The following STXBP5L variants were observed in gnomAD, a reference collection of about 807,000 sequenced individuals.
STXBP5L encodes the protein syntaxin binding protein 5L.
STXBP5L carries 65 observed loss-of-function variants against 144.5 expected under a neutral mutation model. That is an observed-to-expected ratio of 0.45 (90% CI 0.37 to 0.55). The LOEUF (loss-of-function observed/expected upper bound fraction) is 0.55, where lower values mean the gene tolerates loss of function less well. STXBP5L is among the 20% of genes least tolerant of loss of function. The pLI is 0.00. For synonymous variants in STXBP5L, 505 were observed against 469.6 expected, an observed-to-expected ratio of 1.08 and a Z score of -0.97; for missense variants, 1,298 against 1,405.5, an observed-to-expected ratio of 0.92 and a Z score of 1.22.
intron 5 of STXBP5L, among the ~76,000 whole-genome samples, chr3:121,113,047 G>T (rs2044066196): frequency 6.6e-6 from 1 of 152,108 alleles, no homozygotes; most frequent in African/African-American, 2.4e-5. Context: ...AATATAAGGT[G>T]AAACCTGTCT....
intron 14 of STXBP5L, among the ~76,000 whole-genome samples, chr3:121,244,525 T>C (rs1031340523): frequency 2.6e-5 from 4 of 151,732 alleles, no homozygotes; most frequent in African/African-American, 9.7e-5. Context: ...GAAGAAATAA[T>C]GGTCAAAAAT....
Position 121,205,923 on chromosome 3 carries a change from GA to G in STXBP5L, c.883del (p.Ser295ValfsTer17). 1.4e-6 allele frequency: 2 copies of G among 1,461,314 alleles called. No individual in the cohort carries two copies. The highest frequency in any genetic ancestry group is 2.5e-5 in the Admixed American group (1 of 40,214). The allele number at this position is 1,461,314 out of a possible 1,614,324, so 90.5% of individuals were successfully genotyped here. A position where few individuals can be genotyped will look rare whatever the true frequency, so the allele number is the denominator to read the frequency against. On this transcript the variant is annotated frameshift_variant and splice_region_variant, in exon 10 of 27. Coordinates refer to ENST00000471454, the MANE Select transcript of STXBP5L (RefSeq NM_001308330.2). LOFTEE classifies it high-confidence loss of function. ...TCAATTAAATATTTTTTTTCTTTAG[GA>G]AAAAGTCAAAGAGAAGGAAGAAAAT... ...SRPFQTTIPHGKSQREGRKSE... is the reference protein window; with the variant it reads ...SRPFQTTIPHXKSQREGRKSE...
chr3:121,069,760 A>AT (rs940500331), intron 5 of STXBP5L, among the ~76,000 whole-genome samples: 4 of 151,790 alleles, frequency 2.6e-5, no homozygotes, highest in African/African-American at 4.8e-5. Flanking sequence ...ATTTTGAGCT[A>AT]TTTTTTTGTT....
chr3:121,101,988 A>G (rs1255382855), intron 5 of STXBP5L, among the ~76,000 whole-genome samples: 2 of 152,084 alleles, frequency 1.3e-5, no homozygotes, highest in Non-Finnish European at 2.9e-5. Flanking sequence ...AAAAATACCT[A>G]GGAATACATC....
chr3:121,208,389 G>A (rs2048424123), intron 10 of STXBP5L, among the ~76,000 whole-genome samples: 1 of 151,982 alleles, frequency 6.6e-6, no homozygotes, highest in African/African-American at 2.4e-5. Context: ...TGTAAATGAG[G>A]AGTTAATGGG....
At position 121,354,438 on chromosome 3, in the gene STXBP5L, GTCT is replaced by G. The variant is rs750873227; in HGVS notation, c.2177-24273_2177-24271del. ...TTGAACCCTTTGCCATTATGTAATG[GTCT>G]TCTTTGTCTCTTTTGATCTTTGTTG... On this transcript the variant is annotated intron_variant, in intron 20 of 26. Coordinates refer to ENST00000471454, the MANE Select transcript of STXBP5L (RefSeq NM_001308330.2). Among the ~76,000 whole-genome samples the G allele has an allele frequency of 1.3e-4, 19 of 149,232 alleles. 1 individual carries two copies. The highest frequency in any genetic ancestry group is 7.3e-3 in the Middle Eastern group (2 of 274).
At chr3:121,017,714 A>G (rs1469634479) in intron 3 of STXBP5L, among the ~76,000 whole-genome samples, 1 of 152,208 alleles carries the variant, frequency 6.6e-6, no homozygotes, top group African/African-American at 2.4e-5. Context: ...TATAAATGTA[A>G]CAAAATACAT....
Position 121,423,439 on chromosome 3 carries a change from G to A in STXBP5L, c.*4342G>A, listed in dbSNP as rs990285931. The A allele has an allele frequency of 1.3e-5, 2 of 152,238 alleles. No homozygotes were observed. The highest frequency in any genetic ancestry group is 2.9e-5 in the Non-Finnish European group (2 of 68,066). 9.4% of individuals were successfully genotyped at this position (152,238 alleles called of 1,614,324 possible). ...TGTAGAATAGGTAAGGTCTGTCTTAGAAAAGGAGGAGGAAGTACCAATTTG... is the reference window on the plus strand; with the variant it reads ...TGTAGAATAGGTAAGGTCTGTCTTAAAAAAGGAGGAGGAAGTACCAATTTG... On this transcript the variant is annotated 3_prime_UTR_variant, in exon 27 of 27. Transcript: ENST00000471454.
chr3:121,198,745 T>A (rs1328782081), intron 9 of STXBP5L, among the ~76,000 whole-genome samples: 1 of 152,044 alleles, frequency 6.6e-6, no homozygotes, highest in Non-Finnish European at 1.5e-5. Context: ...ATAGGGAATC[T>A]CTTCCCCATT....
chr3:120,976,119 G>T (rs1940971371), intron 3 of STXBP5L, among the ~76,000 whole-genome samples: 1 of 152,176 alleles, frequency 6.6e-6, no homozygotes, highest in Non-Finnish European at 1.5e-5. Context: ...CAGAAGGAAT[G>T]GTACCAGCTC....
intron 20 of STXBP5L, among the ~76,000 whole-genome samples, chr3:121,333,582 T>C (rs1287473524): frequency 1.4e-5 from 2 of 146,114 alleles, no homozygotes; most frequent in African/African-American, 2.5e-5. Flanking sequence ...AAAAGATCAA[T>C]GAAATTAGGA....
chr3:121,304,749 G>T (rs2043280654), intron 19 of STXBP5L, among the ~76,000 whole-genome samples: 2 of 151,966 alleles, frequency 1.3e-5, no homozygotes, highest in Non-Finnish European at 2.9e-5. Context: ...TAGATGTTAT[G>T]TTAGATTTTT....
chr3:121,356,073 A>T (rs1184064744), intron 20 of STXBP5L, among the ~76,000 whole-genome samples: 1 of 152,200 alleles, frequency 6.6e-6, no homozygotes, highest in Non-Finnish European at 1.5e-5. Flanking sequence ...GCTTCGCCCC[A>T]CAGGGGCACC....
At chr3:121,113,429 A>G (rs1239358589) in intron 5 of STXBP5L, among the ~76,000 whole-genome samples, 1 of 152,154 alleles carries the variant, frequency 6.6e-6, no homozygotes, top group Non-Finnish European at 1.5e-5. Flanking sequence ...TGGCAACAGC[A>G]ATTCTAGATT....
chr3:121,343,615 G>C (rs1363521384), intron 20 of STXBP5L, among the ~76,000 whole-genome samples: 2 of 152,052 alleles, frequency 1.3e-5, no homozygotes, highest in South Asian at 4.2e-4. Flanking sequence ...CAGACAAACA[G>C]ACAGCCAAAT....
chr3:121,061,907 C>T (rs2041300411), intron 5 of STXBP5L, among the ~76,000 whole-genome samples: 1 of 148,242 alleles, frequency 6.7e-6, no homozygotes, highest in African/African-American at 2.5e-5. Flanking sequence ...TCTGATGTGT[C>T]TTGACTATCC....
chr3:120,954,917 T>C, intron 2 of STXBP5L, 23 bp from the exon 3 acceptor site: 1 of 1,586,318 alleles, frequency 6.3e-7, no homozygotes, highest in East Asian at 2.2e-5. Context: ...AGAGACTTAT[T>C]GGTATTATTT....
intron 22 of STXBP5L, among the ~76,000 whole-genome samples, chr3:121,393,848 A>C (rs1362898961): frequency 6.6e-6 from 1 of 152,168 alleles, no homozygotes; most frequent in Non-Finnish European, 1.5e-5. Flanking sequence ...GTATAATTTG[A>C]AGTCAGGCAA....
At chr3:120,934,031 C>A (rs1193370232) in intron 2 of STXBP5L, among the ~76,000 whole-genome samples, 2 of 150,706 alleles carry the variant, frequency 1.3e-5, no homozygotes, top group Non-Finnish European at 3.0e-5. Context: ...TTTTTTTTGC[C>A]CTTCGTATTC....
Sources: gnomAD v4.1 joint callset for allele counts (sites outside exome capture counted in the v4.1 genomes callset) on GRCh38, gnomAD v4.1.1 for gene constraint, MANE v1.5 for transcripts, NCBI Gene and HGNC (gene_info 2026-07-23, HGNC 2026-07-21) for gene names.